Variants in MYO3A observed in about 807,000 individuals in gnomAD.
MYO3A encodes myosin IIIA.
Under a neutral mutation model 192.7 loss-of-function variants are expected in MYO3A, and 180 were observed. The ratio of observed to expected loss-of-function variants is 0.93; its 90% CI spans 0.83 to 1.06. The LOEUF (loss-of-function observed/expected upper bound fraction) is 1.06. Ranked by LOEUF, MYO3A falls within the 50% of genes least tolerant of loss-of-function variation. The pLI, the probability that MYO3A is intolerant of heterozygous loss-of-function variation, is 0.00. For synonymous variants in MYO3A, 628 were observed against 645.3 expected, an observed-to-expected ratio of 0.97 and a Z score of 0.41; for missense variants, 1,896 against 1,905.0, an observed-to-expected ratio of 1.00 and a Z score of 0.09.
intron 4 of MYO3A, among the ~76,000 whole-genome samples, chr10:25,978,314 G>T (rs1839085112): frequency 6.6e-6 from 1 of 152,200 alleles, no homozygotes; most frequent in South Asian, 2.1e-4. Context: ...AAAGAAAAAG[G>T]TTTAATTGTA....
In MYO3A at chr10:25,950,238, T is replaced by C. The variant is rs572798467; in HGVS notation, c.-17-1856T>C. Among the ~76,000 whole-genome samples, 3 of 152,296 alleles carry C rather than the reference T, an allele frequency of 2.0e-5. No individual in the cohort carries two copies. In the East Asian group the frequency reaches 5.8e-4, roughly 29 times the overall value. On this transcript the variant is annotated intron_variant, in intron 2 of 34. Coordinates refer to ENST00000642920, the MANE Select transcript of MYO3A (RefSeq NM_017433.5). ...ACCCCGGCTAGCAATGAACTTACTA[T>C]GTTTGATGCACATTGGTTTGTAGCT... is the stretch of plus-strand genomic sequence containing the variant.
intron 6 of MYO3A, among the ~76,000 whole-genome samples, chr10:26,004,456 T>A (rs542664558): frequency 1.9e-4 from 29 of 151,368 alleles, no homozygotes; most frequent in African/African-American, 7.0e-4. Context: ...TATATAAACA[T>A]ATAAAAATAA....
chr10:26,089,377 G>A (rs1308007234), intron 15 of MYO3A, among the ~76,000 whole-genome samples: 1 of 152,022 alleles, frequency 6.6e-6, no homozygotes, highest in Non-Finnish European at 1.5e-5. Flanking sequence ...CAAGGCGGGT[G>A]GATCACGCGG....
intron 4 of MYO3A, among the ~76,000 whole-genome samples, chr10:25,957,878 A>T (rs528459899): frequency 2.3e-3 from 344 of 152,258 alleles, no homozygotes; most frequent in African/African-American, 7.8e-3. Context: ...TATTGGCTAC[A>T]TGTATATCTT....
intron 29 of MYO3A, among the ~76,000 whole-genome samples, chr10:26,173,269 G>C (rs1325977915): frequency 6.6e-6 from 1 of 152,174 alleles, no homozygotes; most frequent in African/African-American, 2.4e-5. Flanking sequence ...TCAGCCAAGT[G>C]AACATACCCT....
intron 14 of MYO3A, among the ~76,000 whole-genome samples, chr10:26,076,248 G>A (rs1835568191): frequency 6.6e-6 from 1 of 152,104 alleles, no homozygotes; most frequent in Non-Finnish European, 1.5e-5. Flanking sequence ...CTGATCATTA[G>A]TGATGTTGAC....
intron 14 of MYO3A, among the ~76,000 whole-genome samples, chr10:26,073,951 A>G (rs1835373422): frequency 6.6e-6 from 1 of 152,180 alleles, no homozygotes; most frequent in African/African-American, 2.4e-5. Context: ...TACAGTATAA[A>G]GGGTGACTCT....
At chr10:26,197,564 GT>G (rs749894801) in intron 32 of MYO3A, among the ~76,000 whole-genome samples, 235 of 152,156 alleles carry the variant, frequency 1.5e-3, no homozygotes, top group Non-Finnish European at 2.8e-3. Context: ...TTTTGTTGTT[GT>G]TGGTGGTGGT....
At chr10:26,006,727 T>A (rs540091189) in intron 6 of MYO3A, among the ~76,000 whole-genome samples, 1 of 151,770 alleles carries the variant, frequency 6.6e-6, no homozygotes, top group African/African-American at 2.4e-5. Context: ...TCTGAAATTG[T>A]GGCAATAATC....
intron 1 of MYO3A, 84 bp downstream of exon 1, chr10:25,934,412 C>T (rs1032537311): frequency 2.0e-5 from 3 of 152,340 alleles, no homozygotes; most frequent in Non-Finnish European, 4.4e-5. Context: ...GGCCCCGCTT[C>T]CTTGGACCCC....
At chr10:26,018,894 A>C (rs115789173) in intron 7 of MYO3A, among the ~76,000 whole-genome samples, 1,796 of 152,310 alleles carry the variant, frequency 0.012, 45 homozygotes, top group African/African-American at 0.041. Context: ...ATGGGGCAAA[A>C]GACATTATTT....
chr10:26,083,180 T>C (rs894309264), intron 14 of MYO3A, among the ~76,000 whole-genome samples: 9 of 152,126 alleles, frequency 5.9e-5, no homozygotes, highest in Non-Finnish European at 1.2e-4. Context: ...AAAATAAAGA[T>C]TATTTGACTG....
At chr10:26,142,063 A>T (rs139525861) in intron 20 of MYO3A, among the ~76,000 whole-genome samples, 136 of 152,290 alleles carry the variant, frequency 8.9e-4, no homozygotes, top group African/African-American at 3.2e-3. Flanking sequence ...CATTATTTCA[A>T]ATTATATTTG....
intron 26 of MYO3A, among the ~76,000 whole-genome samples, chr10:26,164,369 G>A (rs546329233): frequency 7.9e-6 from 1 of 125,978 alleles, no homozygotes; most frequent in South Asian, 2.7e-4. Flanking sequence ...CACAGGCGGA[G>A]GATGAAAATC....
rs748260993 is a variant in MYO3A at position 26,154,802 on chromosome 10, A to G, written c.2772A>G (p.Gln924=). The G allele has an allele frequency of 6.2e-7, 1 of 1,613,406 alleles. No homozygotes were observed. Among genetic ancestry groups the G allele is most frequent in the Non-Finnish European group, 8.5e-7 (1 of 1,179,546 alleles). Residue 924 remains glutamine, a synonymous_variant, in exon 25 of 35, where the codon CAA becomes CAG. Coordinates refer to ENST00000642920, the MANE Select transcript of MYO3A (RefSeq NM_017433.5). ...HARETTNMKT[Q]TVASYFRYSL... ...GAGAGACAACCAACATGAAAACACA[A>G]ACGGTTGCATCATATTTTAGAGTAA...
intron 20 of MYO3A, 48 bp from the exon 21 acceptor site, chr10:26,143,400 G>A: frequency 1.3e-6 from 2 of 1,550,796 alleles, no homozygotes; most frequent in Non-Finnish European, 1.8e-6. Context: ...TAATTACTAT[G>A]AAGCTATATA....
At chr10:25,940,680 G>A (rs1256669257) in intron 2 of MYO3A, among the ~76,000 whole-genome samples, 1 of 151,966 alleles carries the variant, frequency 6.6e-6, no homozygotes, top group Non-Finnish European at 1.5e-5. Flanking sequence ...CTTTCATCTT[G>A]AAAGATACTT....
In MYO3A at chr10:26,060,303, T is replaced by A. The variant is rs1280572719; in HGVS notation, c.954-6672T>A. Among the ~76,000 whole-genome samples the A allele has an allele frequency of 2.6e-3, 112 of 43,228 alleles. 1 individual carries two copies. Among genetic ancestry groups the A allele is most frequent in the African/African-American group, 4.7e-3 (80 of 16,904 alleles). The allele number at this position is 43,228 out of a possible 152,430, so 28.4% of individuals were successfully genotyped here. A position where few individuals can be genotyped will look rare whatever the true frequency, so the allele number is the denominator to read the frequency against. ...TACATACATAAATAAATAAATAAATTTAAAAAATACAAAAATTAGCCTGGC... is the reference window on the plus strand; with the variant it reads ...TACATACATAAATAAATAAATAAATATAAAAAATACAAAAATTAGCCTGGC... On this transcript the variant is annotated intron_variant, in intron 10 of 34. Transcript: ENST00000642920.
At chr10:26,121,123 T>C (rs1451229081) in intron 18 of MYO3A, among the ~76,000 whole-genome samples, 1 of 151,720 alleles carries the variant, frequency 6.6e-6, no homozygotes, top group Non-Finnish European at 1.5e-5. Flanking sequence ...AATTATGTTA[T>C]TGTCTTATAG....
Sources: allele counts gnomAD v4.1 joint callset (sites outside exome capture counted in the v4.1 genomes callset), GRCh38; gene constraint gnomAD v4.1.1; transcripts MANE v1.5; gene names NCBI Gene and HGNC (gene_info 2026-07-23, HGNC 2026-07-21).